Variants in SPATA45 observed in about 807,000 individuals in gnomAD.
SPATA45 encodes spermatogenesis-associated protein 45.
A neutral mutation model predicts 7.0 loss-of-function variants in SPATA45; 5 were observed. The ratio of observed to expected loss-of-function variants is 0.71; its 90% CI spans 0.37 to 1.50. SPATA45 has a LOEUF of 1.50. SPATA45 is among the 40% of genes most tolerant of loss of function. The pLI, the probability that SPATA45 is intolerant of heterozygous loss-of-function variation, is 0.03. For missense variants in SPATA45, 111 were observed against 114.9 expected, an observed-to-expected ratio of 0.97 and a Z score of 0.16; for synonymous variants, 40 against 38.7, an observed-to-expected ratio of 1.03 and a Z score of -0.13.
chr1:212,834,611 C>T (rs1032769647), intron 2 of SPATA45, among the ~76,000 whole-genome samples: 1 of 151,442 alleles, frequency 6.6e-6, no homozygotes, highest in Non-Finnish European at 1.5e-5. Context: ...CCACCACGCC[C>T]AGCTAATTTT....
intron 2 of SPATA45, 94 bp from the exon 3 acceptor site, chr1:212,830,355 C>G: frequency 1.4e-6 from 1 of 734,944 alleles, no homozygotes; most frequent in East Asian, 3.0e-5. Context: ...TATTGTTTTT[C>G]AGATACAGGA....
rs1196201132 is a variant in SPATA45, at chr1:212,831,716, T to C, written c.278-1455A>G. Among the ~76,000 whole-genome samples, 2 of 151,082 alleles carry C rather than the reference T, an allele frequency of 1.3e-5. 1 individual carries two copies. The highest frequency in any genetic ancestry group is 3.9e-4 in the East Asian group (2 of 5,160). ...GAGGATCACCCAGAACTCCAAATACTCTATGCAAAATCTGTAACATTACTT... is the reference window on the plus strand; with the variant it reads ...GAGGATCACCCAGAACTCCAAATACCCTATGCAAAATCTGTAACATTACTT... On this transcript the variant is annotated intron_variant, in intron 2 of 2. Transcript: ENST00000332912.
intron 2 of SPATA45, 44 bp from the exon 3 acceptor site, chr1:212,830,305 A>C (rs1346999418): frequency 1.7e-6 from 2 of 1,185,532 alleles, no homozygotes; most frequent in African/African-American, 3.1e-5. Flanking sequence ...ATAACTTATA[A>C]CACATTTCAT....
At chr1:212,839,651 C>T (rs1263318280) in intron 1 of SPATA45, among the ~76,000 whole-genome samples, 5 of 151,002 alleles carry the variant, frequency 3.3e-5, no homozygotes, top group South Asian at 4.2e-4. Context: ...AATATGAAGT[C>T]CCCTACAGTG....
In SPATA45 at chr1:212,837,000, GT is replaced by G. The variant is rs1202368560; in HGVS notation, c.-38-814del. Among the ~76,000 whole-genome samples, 3 of 150,974 alleles carry G rather than the reference GT, an allele frequency of 2.0e-5. 1 individual carries two copies. Among genetic ancestry groups the G allele is most frequent in the Non-Finnish European group, 4.4e-5 (3 of 67,556 alleles). On this transcript the variant is annotated intron_variant, in intron 1 of 2. Transcript: ENST00000332912. ...TTGTTTCTTAAGGGTTTTATTTTTT[GT>G]TTTTTAGGTGTTCTTCAGGGGAAAC...
Position 212,835,969 on chromosome 1 carries a change from T to TATC in SPATA45, c.178_180dup (p.Asp60dup), listed in dbSNP as rs750206965. ...TTGGGAACAGGCTCTTTGGTTGTGG[T>TATC]ATCAGTAAAGGACTGATAGGCATCC... On this transcript the variant is annotated inframe_insertion, in exon 2 of 3. Coordinates refer to ENST00000332912, the MANE Select transcript of SPATA45 (RefSeq NM_001024601.3). The TATC allele has an allele frequency of 1.2e-6, 2 of 1,610,626 alleles. No individual in the cohort carries two copies. Among genetic ancestry groups the TATC allele is most frequent in the Non-Finnish European group, 1.7e-6 (2 of 1,177,200 alleles).
In SPATA45 at chr1:212,836,652, A is replaced by T. The variant is rs1044565340; in HGVS notation, c.-38-465T>A. On this transcript the variant is annotated intron_variant, in intron 1 of 2. Transcript: ENST00000332912. ...GGACAGCACACCTCACTTTTTTTTT[A>T]TTTTTTTATTTTTTGAGATGGAGTC... is the stretch of plus-strand genomic sequence containing the variant. Among the ~76,000 whole-genome samples the T allele has an allele frequency of 4.0e-4, 55 of 137,730 alleles. 2 individuals carry two copies. Among genetic ancestry groups the T allele is most frequent in the African/African-American group, 1.5e-3 (54 of 37,198 alleles). The allele number at this position is 137,730 out of a possible 152,430, so 90.4% of individuals were successfully genotyped here. A position where few individuals can be genotyped will look rare whatever the true frequency, so the allele number is the denominator to read the frequency against.
Position 212,832,734 on chromosome 1 carries a change from G to T in SPATA45, c.278-2473C>A, listed in dbSNP as rs549382706. 2.8e-4 allele frequency among the ~76,000 whole-genome samples: 42 copies of T among 151,608 alleles called. 2 individuals are homozygous for T. The highest frequency in any genetic ancestry group is 5.2e-4 in the Non-Finnish European group (35 of 67,706). On this transcript the variant is annotated intron_variant, in intron 2 of 2. Transcript: ENST00000332912. The stretch of plus-strand genomic sequence containing the variant: ...ATTATTACCCTCCTGCATTTCTAAA[G>T]ATTATTCCACAGCAACCAACTAAGG...
intron 1 of SPATA45, among the ~76,000 whole-genome samples, chr1:212,840,642 G>C (rs1663663979): frequency 6.6e-6 from 1 of 151,904 alleles, no homozygotes; most frequent in Admixed American, 6.6e-5. Flanking sequence ...TTTTGAGACC[G>C]AATCTCGCTC....
At chr1:212,831,437 C>T (rs184584702) in intron 2 of SPATA45, among the ~76,000 whole-genome samples, 7 of 149,008 alleles carry the variant, frequency 4.7e-5, no homozygotes, top group African/African-American at 9.8e-5. Context: ...CACACCACTG[C>T]GCTCCAGCCC....
At chr1:212,842,905 G>A (rs541979398) in intron 1 of SPATA45, among the ~76,000 whole-genome samples, 7 of 150,708 alleles carry the variant, frequency 4.6e-5, no homozygotes, top group Non-Finnish European at 7.4e-5. Flanking sequence ...TGGCTAACAC[G>A]GTGAAACCCT....
chr1:212,836,060 T>C lies in SPATA45; in HGVS notation c.90A>G (p.Glu30=), dbSNP rs780939746. 4 of 1,610,690 alleles carry C rather than the reference T, an allele frequency of 2.5e-6. 1 individual carries two copies. The highest frequency in any genetic ancestry group is 2.5e-6 in the Non-Finnish European group (3 of 1,177,330). ...TGCTTCGTTCCACCAAGCAGTTGGA[T>C]TCACGCTTTTTGTTTATCTCCTCCA... ...HLLEEINKKR[E]SNCLVERSNQ... Residue 30 remains glutamate, a synonymous_variant, in exon 2 of 3, where the codon GAA becomes GAG. Transcript: ENST00000332912.
chr1:212,840,400 T>C (rs1663659367), intron 1 of SPATA45, among the ~76,000 whole-genome samples: 2 of 152,112 alleles, frequency 1.3e-5, no homozygotes, highest in Admixed American at 1.3e-4. Context: ...GCAGAGCGAG[T>C]CTCCGTCTCA....
At chr1:212,842,165 G>A (rs924743504) in intron 1 of SPATA45, among the ~76,000 whole-genome samples, 4 of 151,528 alleles carry the variant, frequency 2.6e-5, no homozygotes, top group Admixed American at 6.6e-5. Flanking sequence ...ATCACCTGAC[G>A]TCAGGGGTTC....
At chr1:212,830,336 A>G in intron 2 of SPATA45, 75 bp from the exon 3 acceptor site, 2 of 878,328 alleles carry the variant, frequency 2.3e-6, no homozygotes, top group South Asian at 3.2e-5. Flanking sequence ...ATAACCCTGG[A>G]GGGCAGAGTA....
In SPATA45 at chr1:212,835,974, G is replaced by A; in HGVS notation, c.176C>T (p.Thr59Ile). 2 of 1,610,788 alleles carry A rather than the reference G, an allele frequency of 1.2e-6. No individual in the cohort carries two copies. The highest frequency in any genetic ancestry group is 1.7e-6 in the Non-Finnish European group (2 of 1,177,368). The change falls in exon 2 of 3, where the codon ACT becomes ATT. Residue 59 changes from threonine (T) to isoleucine (I), a missense_variant. Physicochemically the swap from Thr to Ile is moderately conservative, Grantham distance 89 (BLOSUM62 -1). Transcript: ENST00000332912. ...RHFPDAYQSFTDTTTKEPVPN... is the reference protein window; with the variant it reads ...RHFPDAYQSFIDTTTKEPVPN... ...AACAGGCTCTTTGGTTGTGGTATCA[G>A]TAAAGGACTGATAGGCATCCGGGAA...
At chr1:212,843,139 A>ACACACT (rs1229697163) in intron 1 of SPATA45, among the ~76,000 whole-genome samples, 153 of 144,396 alleles carry the variant, frequency 1.1e-3, no homozygotes, top group African/African-American at 3.8e-3. Context: ...ACACACACAC[A>ACACACT]CTTAGCTGGG....
intron 1 of SPATA45, among the ~76,000 whole-genome samples, chr1:212,836,661 T>G (rs1663591607): frequency 6.7e-6 from 1 of 149,882 alleles, no homozygotes; most frequent in Admixed American, 6.7e-5. Flanking sequence ...TATTTTTTTA[T>G]TTTTTGAGAT....
chr1:212,843,022 A>C (rs1663718680), intron 1 of SPATA45, among the ~76,000 whole-genome samples: 1 of 151,130 alleles, frequency 6.6e-6, no homozygotes, highest in Non-Finnish European at 1.5e-5. Flanking sequence ...GTGTGAACCC[A>C]GGAGGCGGAG....
Sources: gnomAD v4.1 joint callset for allele counts (sites outside exome capture counted in the v4.1 genomes callset) on GRCh38, gnomAD v4.1.1 for gene constraint, MANE v1.5 for transcripts, NCBI Gene and HGNC (gene_info 2026-07-23, HGNC 2026-07-21) for gene names.